Variants in DPH6 observed in about 807,000 individuals in gnomAD.
DPH6 encodes the protein diphthine--ammonia ligase.
In DPH6, 33 loss-of-function variants were observed where a neutral mutation model predicts 38.2. The ratio of observed to expected loss-of-function variants is 0.86; its 90% CI spans 0.65 to 1.15. The LOEUF (loss-of-function observed/expected upper bound fraction) is 1.15, where lower values mean the gene tolerates loss of function less well. DPH6 is among the 50% of genes most tolerant of loss of function. The pLI, the probability that DPH6 is intolerant of heterozygous loss-of-function variation, is 0.00. For missense variants in DPH6, 325 were observed against 320.0 expected, an observed-to-expected ratio of 1.02 and a Z score of -0.12; for synonymous variants, 108 against 103.0, an observed-to-expected ratio of 1.05 and a Z score of -0.30.
chr15:35,152,382 C>A, the DPH6 span, among the ~76,000 whole-genome samples: 3 of 152,098 alleles, frequency 2.0e-5, no homozygotes, highest in African/African-American at 7.2e-5. Flanking sequence ...TTAAAAAAAA[C>A]TCTGAAAATT....
chr15:35,352,777 A>G (rs369124771), intron 3 of DPH6, among the ~76,000 whole-genome samples: 5 of 152,188 alleles, frequency 3.3e-5, no homozygotes, highest in Admixed American at 2.6e-4. Flanking sequence ...ATGATTTATA[A>G]TCCTTTGGGT....
At chr15:35,502,004 G>T (rs2054633958) in intron 3 of DPH6, among the ~76,000 whole-genome samples, 1 of 152,134 alleles carries the variant, frequency 6.6e-6, no homozygotes. Context: ...CTAGAATTAT[G>T]ATGCTTTAGT....
intron 5 of DPH6, among the ~76,000 whole-genome samples, chr15:35,430,682 C>A (rs1344420478): frequency 6.6e-6 from 1 of 152,130 alleles, no homozygotes; most frequent in African/African-American, 2.4e-5. Flanking sequence ...TTAATACAAA[C>A]ATTTCTTTCC....
chr15:35,249,096 A>C (rs1398351261), intron 3 of DPH6, among the ~76,000 whole-genome samples: 2 of 152,232 alleles, frequency 1.3e-5, no homozygotes, highest in Non-Finnish European at 2.9e-5. Context: ...ACCTGAAGAA[A>C]AAGTAGTCCA....
chr15:35,177,886 G>A, the DPH6 span, among the ~76,000 whole-genome samples: 3 of 152,078 alleles, frequency 2.0e-5, no homozygotes, highest in African/African-American at 7.2e-5. Context: ...AGGTTGTGGT[G>A]AGCTGAGATG....
intron 3 of DPH6, among the ~76,000 whole-genome samples, chr15:35,292,526 G>C (rs1415597331): frequency 6.6e-6 from 1 of 152,066 alleles, no homozygotes; most frequent in African/African-American, 2.4e-5. Context: ...TGTTCAACTG[G>C]TGACTGGGAT....
intron 3 of DPH6, among the ~76,000 whole-genome samples, chr15:35,335,131 A>G (rs995066848): frequency 1.3e-5 from 2 of 152,066 alleles, no homozygotes; most frequent in Non-Finnish European, 2.9e-5. Flanking sequence ...TGTGGTTTTG[A>G]TTTGCATTTC....
downstream of DPH6, among the ~76,000 whole-genome samples, chr15:35,328,156 G>C (rs2052300201): frequency 6.6e-6 from 1 of 151,924 alleles, no homozygotes; most frequent in Non-Finnish European, 1.5e-5. Flanking sequence ...ATTGTGAAAA[G>C]GTAGAGTCTA....
the DPH6 span, among the ~76,000 whole-genome samples, chr15:35,177,281 C>A: frequency 6.6e-6 from 1 of 151,766 alleles, no homozygotes; most frequent in Non-Finnish European, 1.5e-5. Flanking sequence ...TTAAAAAAAA[C>A]TAATTTATTT....
At position 35,375,261 on chromosome 15, in the gene DPH6, T is replaced by C. The variant is rs571731720; in HGVS notation, c.663-1653A>G. Among the ~76,000 whole-genome samples, 10 of 152,244 alleles carry C rather than the reference T, an allele frequency of 6.6e-5. No individual in the cohort carries two copies. In the South Asian group the frequency reaches 1.7e-3, roughly 25 times the overall value. On this transcript the variant is annotated intron_variant, in intron 7 of 8. Coordinates refer to ENST00000256538, the MANE Select transcript of DPH6 (RefSeq NM_080650.4). ...AAGATTATTACCCAGAGAGAATATA[T>C]GACATTCTGAGCACTAAATGAAGAA...
intron 3 of DPH6, among the ~76,000 whole-genome samples, chr15:35,246,619 C>T (rs959441641): frequency 3.3e-5 from 5 of 152,136 alleles, no homozygotes; most frequent in Non-Finnish European, 1.5e-5. Flanking sequence ...TGATTTTATT[C>T]GTTCACCTGT....
chr15:35,202,898 G>C, the DPH6 span, among the ~76,000 whole-genome samples: 1 of 151,672 alleles, frequency 6.6e-6, no homozygotes, highest in African/African-American at 2.4e-5. Flanking sequence ...TTTTAACAGA[G>C]TCAATGTCCT....
chr15:35,179,204 C>CTAA, the DPH6 span, among the ~76,000 whole-genome samples: 2 of 50,602 alleles, frequency 4.0e-5, no homozygotes, highest in Non-Finnish European at 7.9e-5. Flanking sequence ...ACAACTCTGT[C>CTAA]AAAAAAAAAA....
At chr15:35,154,363 C>T in the DPH6 span, among the ~76,000 whole-genome samples, 2 of 152,032 alleles carry the variant, frequency 1.3e-5, no homozygotes, top group Non-Finnish European at 2.9e-5. Flanking sequence ...GGTGAACTGG[C>T]ACAAGTTACT....
At chr15:35,257,446 T>A (rs2622759) in intron 3 of DPH6, among the ~76,000 whole-genome samples, 86,822 of 151,986 alleles carry the variant, frequency 0.57, 27,565 homozygotes, top group Non-Finnish European at 0.73. Flanking sequence ...GGTTGTTGAT[T>A]GGAGTGACAG....
rs1595468526 is a variant in DPH6 at position 35,303,361 on chromosome 15, G to A, written n.200+70160C>T. ...TTTTTATAATAGCGCTAATAAGAAG[G>A]CATACTAGTCTTTATGATTCACATT... On this transcript the variant is annotated intron_variant and non_coding_transcript_variant, in intron 3 of 3. Coordinates refer to the DPH6 transcript ENST00000560386. Among the ~76,000 whole-genome samples the A allele has an allele frequency of 2.0e-5, 3 of 151,196 alleles. No homozygotes were observed. The South Asian group carries it at 6.3e-4, about 32-fold the overall frequency.
At chr15:35,496,231 C>T (rs564924177) in intron 3 of DPH6, among the ~76,000 whole-genome samples, 4 of 151,990 alleles carry the variant, frequency 2.6e-5, no homozygotes, top group African/African-American at 7.2e-5. Flanking sequence ...ATTTACAATA[C>T]ACGTATCTGA....
At chr15:35,310,721 T>C (rs1393620159) in intron 3 of DPH6, among the ~76,000 whole-genome samples, 1 of 151,956 alleles carries the variant, frequency 6.6e-6, no homozygotes, top group African/African-American at 2.4e-5. Context: ...TTCTGATTAC[T>C]AATAGTACCT....
chr15:35,458,773 A>G (rs2141099348), intron 3 of DPH6, among the ~76,000 whole-genome samples: 1 of 152,350 alleles, frequency 6.6e-6, no homozygotes, highest in African/African-American at 2.4e-5. Flanking sequence ...AATTTTTTAA[A>G]CCAACTCAAC....
Sources: gnomAD v4.1 joint callset for allele counts (sites outside exome capture counted in the v4.1 genomes callset) on GRCh38, gnomAD v4.1.1 for gene constraint, MANE v1.5 for transcripts, NCBI Gene and HGNC (gene_info 2026-07-23, HGNC 2026-07-21) for gene names.